The following PRKACB variants were observed in gnomAD, a reference collection of about 807,000 sequenced individuals.
PRKACB encodes the protein protein kinase cAMP-activated catalytic subunit beta.
PRKACB carries 16 observed loss-of-function variants against 51.4 expected under a neutral mutation model. That is an observed-to-expected ratio of 0.31 (90% confidence interval 0.21 to 0.47). The LOEUF (loss-of-function observed/expected upper bound fraction) is 0.47. PRKACB is among the 20% of genes least tolerant of loss of function. The pLI, the probability that PRKACB is intolerant of heterozygous loss-of-function variation, is 1.00. For synonymous variants in PRKACB, 147 were observed against 154.4 expected, an observed-to-expected ratio of 0.95 and a Z score of 0.35; for missense variants, 309 against 464.5, an observed-to-expected ratio of 0.67 and a Z score of 3.08.
chr1:84,229,897 A>T (rs905367695), intron 9 of PRKACB, among the ~76,000 whole-genome samples: 1 of 151,972 alleles, frequency 6.6e-6, no homozygotes, highest in African/African-American at 2.4e-5. Flanking sequence ...GTTCACTCTG[A>T]TGGTAGTTTC....
At chr1:84,159,085 TTCTTC>T (rs1187876910) in intron 1 of PRKACB, among the ~76,000 whole-genome samples, 2 of 152,250 alleles carry the variant, frequency 1.3e-5, no homozygotes, top group African/African-American at 4.8e-5. Context: ...TCCAACTTTG[TTCTTC>T]TTTTATCAAA....
At chr1:84,141,858 G>T (rs911544641), upstream of PRKACB, among the ~76,000 whole-genome samples, 4 of 152,024 alleles carry the variant, frequency 2.6e-5, no homozygotes, top group East Asian at 3.9e-4. Context: ...GATTAAAGGG[G>T]GTAATTGGAA....
intron 9 of PRKACB, among the ~76,000 whole-genome samples, chr1:84,234,390 A>T (rs1166548218): frequency 6.6e-6 from 1 of 152,214 alleles, no homozygotes; most frequent in Non-Finnish European, 1.5e-5. Flanking sequence ...CTGCCCCCAG[A>T]GGTGGAGCTT....
At chr1:84,176,240 G>A in intron 1 of PRKACB, among the ~76,000 whole-genome samples, 1 of 151,894 alleles carries the variant, frequency 6.6e-6, no homozygotes, top group Non-Finnish European at 1.5e-5. Flanking sequence ...TGGGTTGAAT[G>A]TGGAGCAGTA....
intron 1 of PRKACB, among the ~76,000 whole-genome samples, chr1:84,138,297 A>C (rs1014354568): frequency 3.3e-5 from 5 of 152,200 alleles, no homozygotes; most frequent in Non-Finnish European, 7.3e-5. Context: ...GGAGCTTCCC[A>C]TGGTCAAAAT....
intron 1 of PRKACB, among the ~76,000 whole-genome samples, chr1:84,092,415 T>G (rs765940260): frequency 6.6e-6 from 1 of 152,210 alleles, no homozygotes; most frequent in Non-Finnish European, 1.5e-5. Flanking sequence ...TTTCTATGGT[T>G]GATGTAAATT....
chr1:84,185,579 T>C (rs1041684234), intron 5 of PRKACB, among the ~76,000 whole-genome samples: 1 of 151,788 alleles, frequency 6.6e-6, no homozygotes, highest in African/African-American at 2.4e-5. Context: ...ATAATAATAA[T>C]AGTATTATGG....
chr1:84,095,263 C>T (rs200080802), intron 1 of PRKACB, among the ~76,000 whole-genome samples: 52 of 95,406 alleles, frequency 5.5e-4, no homozygotes, highest in African/African-American at 1.5e-3. Flanking sequence ...TTTTTTTTTG[C>T]GCTTATTCCT....
In PRKACB at chr1:84,129,503, A is replaced by G. The variant is rs530525254; in HGVS notation, c.47-49674A>G. ...AAAGTACTGTGACAAAAGTACTACA[A>G]CTTTACTGTGGATTTACTCAGAAAA... On this transcript the variant is annotated intron_variant, in intron 1 of 8. Transcript: ENST00000370688. 1.8e-4 allele frequency among the ~76,000 whole-genome samples: 28 copies of G among 152,312 alleles called. No individual in the cohort carries two copies. In the East Asian group the frequency reaches 5.2e-3, roughly 28 times the overall value.
chr1:84,220,294 T>A (rs772378461), intron 9 of PRKACB, among the ~76,000 whole-genome samples: 1 of 152,192 alleles, frequency 6.6e-6, no homozygotes, highest in Non-Finnish European at 1.5e-5. Flanking sequence ...ACTGATTTTT[T>A]ATGTTCATTT....
chr1:84,133,651 A>G (rs1426371457), intron 1 of PRKACB, among the ~76,000 whole-genome samples: 1 of 152,116 alleles, frequency 6.6e-6, no homozygotes, highest in African/African-American at 2.4e-5. Context: ...ACTCGCTCAG[A>G]TCTGCTGCCC....
intron 1 of PRKACB, among the ~76,000 whole-genome samples, chr1:84,130,616 A>T (rs1451867833): frequency 6.6e-6 from 1 of 152,214 alleles, no homozygotes; most frequent in Non-Finnish European, 1.5e-5. Flanking sequence ...AAAATTGAAT[A>T]TGTAATGGCT....
chr1:84,236,911 C>T lies in PRKACB; in HGVS notation c.*1606C>T, dbSNP rs893479108. ...CATATAAAATTTATTTTTAATCAAG[C>T]TGATCTTAATGTATATAATCATTCT... is the stretch of plus-strand genomic sequence containing the variant. On this transcript the variant is annotated 3_prime_UTR_variant, in exon 10 of 10. Transcript: ENST00000370685. The T allele has an allele frequency of 6.6e-6, 1 of 152,368 alleles. No individual in the cohort carries two copies. Among genetic ancestry groups the T allele is most frequent in the Admixed American group, 6.6e-5 (1 of 15,262 alleles). The allele number at this position is 152,368 out of a possible 1,614,324, so 9.4% of individuals were successfully genotyped here. A position where few individuals can be genotyped will look rare whatever the true frequency, so the allele number is the denominator to read the frequency against.
intron 1 of PRKACB, chr1:84,086,272 A>ACC (rs1647979081): frequency 1.4e-6 from 2 of 1,383,388 alleles, no homozygotes; most frequent in Non-Finnish European, 2.0e-6. Context: ...CCCCCATGGG[A>ACC]CCCCAGTAGA....
chr1:84,085,373 C>G (rs550827333), intron 1 of PRKACB, among the ~76,000 whole-genome samples: 20 of 152,188 alleles, frequency 1.3e-4, no homozygotes, highest in Admixed American at 7.2e-4. Context: ...TTTTCTAATA[C>G]ATTCTAATAT....
intron 8 of PRKACB, among the ~76,000 whole-genome samples, chr1:84,212,407 T>G (rs556360855): frequency 1.2e-4 from 18 of 152,220 alleles, no homozygotes; most frequent in Non-Finnish European, 2.2e-4. Context: ...TTAACTTTAC[T>G]ATAAAACCTA....
At chr1:84,155,418 ATGT>A (rs1655374636) in intron 1 of PRKACB, among the ~76,000 whole-genome samples, 1 of 152,176 alleles carries the variant, frequency 6.6e-6, no homozygotes, top group Admixed American at 6.5e-5. Flanking sequence ...TGAAGAATAA[ATGT>A]TGTTAAAATG....
At chr1:84,198,367 T>C (rs533482717) in intron 7 of PRKACB, among the ~76,000 whole-genome samples, 58 of 152,124 alleles carry the variant, frequency 3.8e-4, no homozygotes, top group Non-Finnish European at 7.4e-4. Context: ...AAAGAATGGT[T>C]AACTTTTCCT....
intron 4 of PRKACB, 36 bp downstream of exon 4, chr1:84,184,171 A>C (rs373700735): frequency 5.2e-6 from 8 of 1,547,256 alleles, no homozygotes; most frequent in Non-Finnish European, 7.0e-6. Context: ...GATATTTTCA[A>C]CCTAAATTTT....
Sources: allele counts gnomAD v4.1 joint callset (sites outside exome capture counted in the v4.1 genomes callset), GRCh38; gene constraint gnomAD v4.1.1; transcripts MANE v1.5; gene names NCBI Gene and HGNC (gene_info 2026-07-23, HGNC 2026-07-21).